Variants in SYT2 observed in about 807,000 individuals in gnomAD.
SYT2 encodes synaptotagmin-2.
In SYT2, 15 loss-of-function variants were observed where a neutral mutation model predicts 39.9. The ratio of observed to expected loss-of-function variants is 0.38; its 90% CI spans 0.25 to 0.58. The LOEUF is 0.58. Ranked by LOEUF, SYT2 falls within the 20% of genes least tolerant of loss-of-function variation. The probability of loss-of-function intolerance (pLI) is 0.70; values close to 1 mark genes in which losing one functional copy is unlikely to be tolerated. For synonymous variants in SYT2, 181 were observed against 204.5 expected (o/e 0.89, Z 0.98); for missense variants, 389 against 530.3 (o/e 0.73, Z 2.62).
intron 1 of SYT2, among the ~76,000 whole-genome samples, chr1:202,666,496 G>A (rs1294618710): frequency 1.3e-5 from 2 of 152,018 alleles, no homozygotes; most frequent in Admixed American, 6.5e-5. Flanking sequence ...GCTGAATACT[G>A]GGGATGCTGG....
At chr1:202,667,506 T>C (rs890620605) in intron 1 of SYT2, among the ~76,000 whole-genome samples, 10 of 140,128 alleles carry the variant, frequency 7.1e-5, no homozygotes, top group Non-Finnish European at 1.4e-4. Context: ...TGTGTGTGTG[T>C]GTGTGTGTAC....
At position 202,603,122 on chromosome 1, in the gene SYT2, T is replaced by C. The variant is rs1690576028; in HGVS notation, c.346-4A>G. The C allele has an allele frequency of 1.2e-6, 2 of 1,613,906 alleles. No homozygotes were observed. The highest frequency in any genetic ancestry group is 2.7e-5 in the African/African-American group (2 of 74,896). On this transcript the variant is annotated splice_polypyrimidine_tract_variant and splice_region_variant and intron_variant, in intron 3 of 8. Transcript: ENST00000367268. ...CTGTCTCTGCGTCGTCGTCATCCTG[T>C]GGGAGCTGGGGGAGAGAGGGAACAA...
intron 1 of SYT2, among the ~76,000 whole-genome samples, chr1:202,657,022 G>A (rs187528232): frequency 6.6e-6 from 1 of 152,310 alleles, no homozygotes; most frequent in African/African-American, 2.4e-5. Flanking sequence ...TCTTGTTCCA[G>A]TGTTTTCCAT....
chr1:202,694,653 A>G (rs1292501989), intron 1 of SYT2, among the ~76,000 whole-genome samples: 2 of 151,982 alleles, frequency 1.3e-5, no homozygotes, highest in Admixed American at 1.3e-4. Flanking sequence ...CCGCCCTGCT[A>G]AGCCCTATTA....
intron 1 of SYT2, among the ~76,000 whole-genome samples, chr1:202,618,813 C>CCCTCA (rs1000568028): frequency 2.8e-4 from 43 of 152,276 alleles, no homozygotes; most frequent in African/African-American, 9.6e-4. Context: ...GACCAAGATT[C>CCCTCA]CCTCAGCTGA....
chr1:202,685,313 C>A (rs959520455), intron 1 of SYT2, among the ~76,000 whole-genome samples: 2 of 152,138 alleles, frequency 1.3e-5, no homozygotes, highest in African/African-American at 2.4e-5. Flanking sequence ...CCCACCACCA[C>A]CTGCTATTCC....
At chr1:202,650,473 T>C (rs1361124941) in intron 1 of SYT2, among the ~76,000 whole-genome samples, 2 of 149,504 alleles carry the variant, frequency 1.3e-5, no homozygotes, top group African/African-American at 4.9e-5. Context: ...TTTCGCTCTG[T>C]CACCCAGGCT....
intron 1 of SYT2, among the ~76,000 whole-genome samples, chr1:202,660,760 G>T (rs185570727): frequency 2.0e-5 from 3 of 152,282 alleles, no homozygotes; most frequent in Non-Finnish European, 4.4e-5. Flanking sequence ...TGGGATTACA[G>T]GTATAAGCCA....
intron 1 of SYT2, among the ~76,000 whole-genome samples, chr1:202,682,859 T>C (rs935113939): frequency 2.6e-5 from 4 of 152,204 alleles, no homozygotes; most frequent in Admixed American, 6.5e-5. Flanking sequence ...GAAGGGTCCA[T>C]GCCTGGGCCT....
At chr1:202,709,326 G>A (rs1654331268) in intron 1 of SYT2, among the ~76,000 whole-genome samples, 1 of 152,224 alleles carries the variant, frequency 6.6e-6, no homozygotes, top group African/African-American at 2.4e-5. Context: ...GCCATGGGCT[G>A]GGGGTGTCCT....
intron 1 of SYT2, among the ~76,000 whole-genome samples, chr1:202,649,302 G>A (rs1057202206): frequency 1.3e-5 from 2 of 152,180 alleles, no homozygotes; most frequent in Admixed American, 1.3e-4. Context: ...GCAGATCTGG[G>A]GGAGGCAAGA....
In SYT2 at chr1:202,707,593, G is replaced by A. The variant is rs113294479; in HGVS notation, c.-18+2665C>T. On this transcript the variant is annotated intron_variant, in intron 1 of 8. Coordinates refer to ENST00000367268, the MANE Select transcript of SYT2 (RefSeq NM_177402.5). ...CACGAGGATGCTTCTGTCCAGGGAA[G>A]GGAATGATGGTCATTCTTCCAGGCA... Among the ~76,000 whole-genome samples the A allele has an allele frequency of 1.1e-3, 163 of 152,280 alleles. 1 individual carries two copies. Among genetic ancestry groups the A allele is most frequent in the African/African-American group, 3.9e-3 (160 of 41,548 alleles).
intron 1 of SYT2, among the ~76,000 whole-genome samples, chr1:202,691,690 A>C: frequency 1.3e-4 from 1 of 7,508 alleles, no homozygotes; most frequent in South Asian, 8.8e-3. Flanking sequence ...CGAGGGGGAG[A>C]GGGAGAGGGA....
At chr1:202,680,810 A>T (rs1653505056) in intron 1 of SYT2, among the ~76,000 whole-genome samples, 1 of 152,184 alleles carries the variant, frequency 6.6e-6, no homozygotes, top group Non-Finnish European at 1.5e-5. Context: ...AGGGGCATGC[A>T]GAGTGGTGGT....
chr1:202,620,996 G>C (rs990358388), intron 1 of SYT2, among the ~76,000 whole-genome samples: 6 of 152,290 alleles, frequency 3.9e-5, no homozygotes, highest in African/African-American at 1.4e-4. Context: ...GAGTGAGCAT[G>C]ATACCTGTGT....
At chr1:202,695,752 G>T (rs543455047) in intron 1 of SYT2, among the ~76,000 whole-genome samples, 1 of 152,298 alleles carries the variant, frequency 6.6e-6, no homozygotes, top group South Asian at 2.1e-4. Flanking sequence ...ACCTTGTAAG[G>T]TCATCTATCG....
intron 1 of SYT2, among the ~76,000 whole-genome samples, chr1:202,642,603 G>A (rs889197465): frequency 1.3e-5 from 2 of 152,164 alleles, no homozygotes; most frequent in African/African-American, 4.8e-5. Flanking sequence ...GAAAGTTCCC[G>A]GGAGAGGAAG....
intron 1 of SYT2, among the ~76,000 whole-genome samples, chr1:202,660,599 A>G (rs1692357950): frequency 6.6e-6 from 1 of 152,336 alleles, no homozygotes; most frequent in East Asian, 1.9e-4. Context: ...AGATTTTGAC[A>G]TGGTGATCAG....
intron 1 of SYT2, among the ~76,000 whole-genome samples, chr1:202,633,509 C>T (rs1691654511): frequency 6.6e-6 from 1 of 152,128 alleles, no homozygotes; most frequent in Non-Finnish European, 1.5e-5. Flanking sequence ...CCCACTCAGC[C>T]CCTACCTGGC....
Sources: gnomAD v4.1 joint callset for allele counts (sites outside exome capture counted in the v4.1 genomes callset) on GRCh38, gnomAD v4.1.1 for gene constraint, MANE v1.5 for transcripts, NCBI Gene and HGNC (gene_info 2026-07-23, HGNC 2026-07-21) for gene names.